Variants in COLGALT1 observed in about 807,000 individuals in gnomAD.
COLGALT1 encodes collagen beta(1-O)galactosyltransferase 1.
A neutral mutation model predicts 60.8 loss-of-function variants in COLGALT1; 43 were observed. The observed-to-expected ratio is 0.71, with a 90% CI of 0.55 to 0.91. COLGALT1 has a LOEUF of 0.91. COLGALT1 is among the 40% of genes least tolerant of loss of function. The probability of loss-of-function intolerance (pLI) is 0.00; values close to 1 mark genes in which losing one functional copy is unlikely to be tolerated. For synonymous variants in COLGALT1, 369 were observed against 374.2 expected (o/e 0.99, Z 0.16); for missense variants, 845 against 880.0 (o/e 0.96, Z 0.50).
At chr19:17,579,749 T>C (rs1005975981) in intron 10 of COLGALT1, 140 bp downstream of exon 10, 22 of 1,140,268 alleles carry the variant, frequency 1.9e-5, no homozygotes, top group Non-Finnish European at 2.7e-5. Flanking sequence ...GGGGTGGAAC[T>C]GGAGCCTAGG....
At chr19:17,574,364 T>A (rs560131991) in intron 6 of COLGALT1, among the ~76,000 whole-genome samples, 7 of 151,834 alleles carry the variant, frequency 4.6e-5, no homozygotes, top group African/African-American at 1.7e-4. Flanking sequence ...GTGTCTCACT[T>A]TGTCACCCAG....
chr19:17,559,854 C>T (rs1458735164), intron 2 of COLGALT1, among the ~76,000 whole-genome samples: 1 of 152,008 alleles, frequency 6.6e-6, no homozygotes, highest in Non-Finnish European at 1.5e-5. Context: ...GTGGAGTGAA[C>T]ACAGCTTACT....
At chr19:17,567,702 A>G (rs181996975) in intron 4 of COLGALT1, among the ~76,000 whole-genome samples, 162 bp downstream of exon 4, 82 of 151,936 alleles carry the variant, frequency 5.4e-4, no homozygotes, top group African/African-American at 1.8e-3. Flanking sequence ...ACTTTGGGAG[A>G]CTGCGGCAGG....
intron 6 of COLGALT1, 190 bp from the exon 7 acceptor site, chr19:17,577,005 T>TAGAGGAAGGACTGG: frequency 3.1e-6 from 1 of 323,142 alleles, no homozygotes; most frequent in Non-Finnish European, 5.7e-6. Flanking sequence ...GCCAGGGCTT[T>TAGAGGAAGGACTGG]GGGCTGCTGT....
chr19:17,555,666 G>A lies in COLGALT1; in HGVS notation c.-48G>A, dbSNP rs903075606. ...GCCCCTATGACCCCTTTAAGGCGCG[G>A]CCAGAGTCCTCCCGCAGAAAAACGA... On this transcript the variant is annotated 5_prime_UTR_variant, in exon 1 of 12. Transcript: ENST00000252599. 3.4e-6 allele frequency: 4 copies of A among 1,174,892 alleles called. No homozygotes were observed. In the African/African-American group the frequency reaches 4.8e-5, roughly 14 times the overall value. 72.8% of individuals were successfully genotyped at this position (1,174,892 alleles called of 1,614,324 possible).
intron 6 of COLGALT1, 84 bp downstream of exon 6, chr19:17,572,686 C>G: frequency 6.3e-7 from 1 of 1,575,144 alleles, no homozygotes; most frequent in Non-Finnish European, 8.6e-7. Context: ...TGAGCACTGA[C>G]TGAGTGCCAG....
intron 1 of COLGALT1, among the ~76,000 whole-genome samples, chr19:17,557,197 A>AC (rs2076217604): frequency 1.3e-5 from 2 of 152,246 alleles, no homozygotes; most frequent in Admixed American, 6.5e-5. Context: ...TTGGTACTTA[A>AC]CAAATGTTTG....
intron 3 of COLGALT1, among the ~76,000 whole-genome samples, chr19:17,561,165 A>G (rs1362212370): frequency 3.3e-5 from 5 of 151,772 alleles, no homozygotes; most frequent in Admixed American, 6.6e-5. Flanking sequence ...AGATCGTGCC[A>G]CTGCACTCCA....
intron 5 of COLGALT1, among the ~76,000 whole-genome samples, chr19:17,570,723 G>A (rs1196637384): frequency 6.6e-6 from 1 of 151,796 alleles, no homozygotes; most frequent in Non-Finnish European, 1.5e-5. Flanking sequence ...GCACCACCAC[G>A]CCTGGCTAAT....
chr19:17,561,980 T>C (rs1412628077), intron 3 of COLGALT1, among the ~76,000 whole-genome samples: 3 of 152,102 alleles, frequency 2.0e-5, no homozygotes, highest in Admixed American at 6.6e-5. Context: ...AAGCAATTCT[T>C]CTGCCTCAGC....
At position 17,581,625 on chromosome 19, in the gene COLGALT1, C is replaced by G; in HGVS notation, c.*181C>G. ...ACAGGCAGCATTAATGGAGTGCCTA[C>G]TGCATGCCAGCAACAGGGCTTGGCC... On this transcript the variant is annotated 3_prime_UTR_variant, in exon 12 of 12. Transcript: ENST00000252599. 1 of 788,046 alleles carries G rather than the reference C, an allele frequency of 1.3e-6. No individual in the cohort carries two copies. The highest frequency in any genetic ancestry group is 2.0e-6 in the Non-Finnish European group (1 of 509,032). The allele number at this position is 788,046 out of a possible 1,614,324, so 48.8% of individuals were successfully genotyped here.
intron 3 of COLGALT1, among the ~76,000 whole-genome samples, chr19:17,565,651 C>A (rs2076276003): frequency 6.6e-6 from 1 of 152,128 alleles, no homozygotes; most frequent in Admixed American, 6.6e-5. Context: ...GCCTGGGTGA[C>A]TGAGCAAGAC....
At chr19:17,565,614 G>A (rs755507376) in intron 3 of COLGALT1, among the ~76,000 whole-genome samples, 2 of 150,974 alleles carry the variant, frequency 1.3e-5, no homozygotes, top group Non-Finnish European at 3.0e-5. Flanking sequence ...AGGTTGCAGT[G>A]AGCCGAGATC....
intron 6 of COLGALT1, among the ~76,000 whole-genome samples, chr19:17,575,129 G>A (rs1168331417): frequency 6.6e-6 from 1 of 152,164 alleles, no homozygotes; most frequent in African/African-American, 2.4e-5. Context: ...TTGGCTCACT[G>A]CAACCTCCGC....
At chr19:17,581,073 C>G (rs1230685726) in intron 11 of COLGALT1, 104 bp from the exon 12 acceptor site, 3 of 1,430,154 alleles carry the variant, frequency 2.1e-6, no homozygotes, top group African/African-American at 1.4e-5. Context: ...TGCACACTTA[C>G]GTTTTAATCT....
chr19:17,570,705 A>G (rs542737016), intron 5 of COLGALT1, among the ~76,000 whole-genome samples: 31 of 151,976 alleles, frequency 2.0e-4, no homozygotes, highest in Non-Finnish European at 3.7e-4. Flanking sequence ...AGCTGGGACT[A>G]CAGGTGTGCA....
intron 8 of COLGALT1, 70 bp from the exon 9 acceptor site, chr19:17,577,887 G>T: frequency 1.3e-6 from 2 of 1,549,578 alleles, no homozygotes; most frequent in South Asian, 1.2e-5. Flanking sequence ...GGGGGTGGTG[G>T]AATGGCCGGG....
chr19:17,559,222 G>T (rs561395098), intron 1 of COLGALT1, 89 bp from the exon 2 acceptor site: 1 of 872,724 alleles, frequency 1.1e-6, no homozygotes. Context: ...TGGGAGGCCA[G>T]TTGGGGATGG....
Position 17,555,837 on chromosome 19 carries a change from C to G in COLGALT1, c.124C>G (p.Arg42Gly). ...PGADAYFPEE[R>G]WSPESPLQAP... The stretch of plus-strand genomic sequence containing the variant: ...CGCCGACGCCTACTTCCCCGAGGAG[C>G]GCTGGAGCCCGGAGTCGCCCCTGCA... The change falls in exon 1 of 12, where the codon CGC becomes GGC. Residue 42 changes from arginine (R) to glycine (G), a missense_variant. Arg to Gly is a moderately radical substitution (Grantham distance 125). Coordinates refer to ENST00000252599, the MANE Select transcript of COLGALT1 (RefSeq NM_024656.4). 1 of 1,339,882 alleles carries G rather than the reference C, an allele frequency of 7.5e-7. No individual in the cohort carries two copies. The highest frequency in any genetic ancestry group is 1.5e-5 in the African/African-American group (1 of 65,594). The allele number at this position is 1,339,882 out of a possible 1,614,324, so 83.0% of individuals were successfully genotyped here. A position where few individuals can be genotyped will look rare whatever the true frequency, so the allele number is the denominator to read the frequency against.
Sources: gnomAD v4.1 joint callset for allele counts (sites outside exome capture counted in the v4.1 genomes callset) on GRCh38, gnomAD v4.1.1 for gene constraint, MANE v1.5 for transcripts, NCBI Gene and HGNC (gene_info 2026-07-23, HGNC 2026-07-21) for gene names.